MBTD1: variants seen among roughly 807,000 people sequenced by gnomAD.
The protein encoded by MBTD1 is mbt domain containing 1.
In MBTD1, 24 loss-of-function variants were observed where a neutral mutation model predicts 87.8. The observed-to-expected ratio is 0.27, with a 90% CI of 0.20 to 0.38. The LOEUF (loss-of-function observed/expected upper bound fraction) is 0.38, where lower values mean the gene tolerates loss of function less well. Among genes scored for constraint, MBTD1 ranks in the 10% least tolerant of loss-of-function variants. The probability of loss-of-function intolerance (pLI) is 1.00; values close to 1 mark genes in which losing one functional copy is unlikely to be tolerated. For missense variants in MBTD1, 436 were observed against 760.2 expected (o/e 0.57, Z 5.02); for synonymous variants, 237 against 248.6 (o/e 0.95, Z 0.44).
In MBTD1 at chr17:51,179,489, T is replaced by C. The variant is rs1265470448; in HGVS notation, c.*1087A>G. 15 of 18,986 alleles carry C rather than the reference T, an allele frequency of 7.9e-4. 1 individual carries two copies. The highest frequency in any genetic ancestry group is 2.2e-3 in the African/African-American group (13 of 5,808). The allele number at this position is 18,986 out of a possible 1,614,324, so 1.2% of individuals were successfully genotyped here. On this transcript the variant is annotated 3_prime_UTR_variant, in exon 17 of 17. Coordinates refer to ENST00000586178, the MANE Select transcript of MBTD1 (RefSeq NM_017643.3). The stretch of plus-strand genomic sequence containing the variant: ...GAATACAATTAAAGACAATTTTATA[T>C]ATATATATATATATATATATATATA...
upstream of MBTD1, chr17:51,260,739 C>A: frequency 6.3e-7 from 1 of 1,587,948 alleles, no homozygotes; most frequent in South Asian, 1.1e-5. Context: ...AAACCGCCGG[C>A]CCGGCCGAGC....
At chr17:51,196,722 C>G (rs1044799425) in intron 12 of MBTD1, among the ~76,000 whole-genome samples, 1 of 151,558 alleles carries the variant, frequency 6.6e-6, no homozygotes, top group African/African-American at 2.4e-5. Flanking sequence ...GAAACCCAGT[C>G]TCTACTAAAA....
chr17:51,214,749 G>A lies in MBTD1; in HGVS notation c.486+2585C>T, dbSNP rs560169847. ...GCTCCCGACTTGTACTCAAGTAGAA[G>A]AGAAGGCAGGTGTAGAGTCTGGAAC... On this transcript the variant is annotated intron_variant, in intron 6 of 16. Coordinates refer to ENST00000586178, the MANE Select transcript of MBTD1 (RefSeq NM_017643.3). 2.0e-5 allele frequency among the ~76,000 whole-genome samples: 3 copies of A among 152,236 alleles called. No homozygotes were observed. In the East Asian group the frequency reaches 5.8e-4, roughly 29 times the overall value.
In MBTD1 at chr17:51,179,691, G is replaced by A. The variant is rs901510826; in HGVS notation, c.*885C>T. The A allele has an allele frequency of 6.6e-6, 1 of 151,222 alleles. No homozygotes were observed. The highest frequency in any genetic ancestry group is 1.9e-4 in the East Asian group (1 of 5,158). 9.4% of individuals were successfully genotyped at this position (151,222 alleles called of 1,614,324 possible). A position where few individuals can be genotyped will look rare whatever the true frequency, so the allele number is the denominator to read the frequency against. ...TCCTAATACAGAACATCTGTTTTTG[G>A]TTGTGGTTATACGAAGCTGTTATTT... On this transcript the variant is annotated 3_prime_UTR_variant, in exon 17 of 17. Transcript: ENST00000586178.
intron 2 of MBTD1, among the ~76,000 whole-genome samples, chr17:51,229,245 C>G (rs529121898): frequency 2.6e-5 from 4 of 152,088 alleles, no homozygotes; most frequent in South Asian, 2.1e-4. Context: ...ACTATCAACT[C>G]AAGAATCTTT....
At chr17:51,217,563 C>G in intron 5 of MBTD1, 147 bp from the exon 6 acceptor site, 1 of 521,442 alleles carries the variant, frequency 1.9e-6, no homozygotes, top group Non-Finnish European at 3.3e-6. Flanking sequence ...AATAACTTCT[C>G]TAAATAGCAT....
intron 2 of MBTD1, among the ~76,000 whole-genome samples, chr17:51,249,300 T>C (rs1338698540): frequency 1.3e-5 from 2 of 152,148 alleles, no homozygotes; most frequent in African/African-American, 2.4e-5. Flanking sequence ...ACTTGAAGAT[T>C]CACATTATAT....
intron 2 of MBTD1, among the ~76,000 whole-genome samples, chr17:51,244,239 T>C (rs2054306845): frequency 6.6e-6 from 1 of 152,232 alleles, no homozygotes; most frequent in South Asian, 2.1e-4. Flanking sequence ...CACTTTTTTA[T>C]CAGTCAGCAA....
At chr17:51,213,934 A>G (rs1011032888) in intron 6 of MBTD1, among the ~76,000 whole-genome samples, 5 of 152,052 alleles carry the variant, frequency 3.3e-5, no homozygotes, top group Admixed American at 6.6e-5. Flanking sequence ...AAAAAAAAAA[A>G]GGGCAATTAT....
chr17:51,257,803 G>A (rs1027261703), intron 2 of MBTD1, among the ~76,000 whole-genome samples: 1 of 152,104 alleles, frequency 6.6e-6, no homozygotes, highest in African/African-American at 2.4e-5. Flanking sequence ...ATTCTAATGA[G>A]TAGATTTAGA....
chr17:51,241,002 G>C (rs79836130), intron 2 of MBTD1, among the ~76,000 whole-genome samples: 1 of 151,840 alleles, frequency 6.6e-6, no homozygotes, highest in East Asian at 1.9e-4. Context: ...CTTTGAGACA[G>C]GGTCTCCCAG....
At chr17:51,234,591 A>G (rs1235700774) in intron 2 of MBTD1, among the ~76,000 whole-genome samples, 1 of 152,216 alleles carries the variant, frequency 6.6e-6, no homozygotes, top group African/African-American at 2.4e-5. Flanking sequence ...GTATCTACTG[A>G]AAAAACTAAA....
intron 2 of MBTD1, among the ~76,000 whole-genome samples, chr17:51,253,577 G>C (rs1310267046): frequency 1.3e-5 from 2 of 152,136 alleles, no homozygotes; most frequent in Admixed American, 6.5e-5. Context: ...ATGTATGTTT[G>C]TTTTTATGTG....
intron 2 of MBTD1, among the ~76,000 whole-genome samples, chr17:51,235,138 A>T (rs1598402504): frequency 1.3e-5 from 2 of 150,844 alleles, no homozygotes; most frequent in South Asian, 2.1e-4. Flanking sequence ...ATAGGATGCA[A>T]TTTTTTTTTT....
rs1555673774 is a variant in MBTD1 at position 51,179,506 on chromosome 17, A to ATATTTATATATATATT, written c.*1069_*1070insAATATATATATAAATA. 1 of 82,334 alleles carries ATATTTATATATATATT rather than the reference A, an allele frequency of 1.2e-5. No homozygotes were observed. The highest frequency in any genetic ancestry group is 2.5e-5 in the Non-Finnish European group (1 of 39,382). 5.1% of individuals were successfully genotyped at this position (82,334 alleles called of 1,614,324 possible). A position where few individuals can be genotyped will look rare whatever the true frequency, so the allele number is the denominator to read the frequency against. ...ATTTTATATATATATATATATATAT[A>ATATTTATATATATATT]TATATATATATATATATATATATAT... is the stretch of plus-strand genomic sequence containing the variant. On this transcript the variant is annotated 3_prime_UTR_variant, in exon 17 of 17. Coordinates refer to ENST00000586178, the MANE Select transcript of MBTD1 (RefSeq NM_017643.3).
chr17:51,181,722 A>G (rs1409049915), intron 16 of MBTD1, among the ~76,000 whole-genome samples: 1 of 152,234 alleles, frequency 6.6e-6, no homozygotes, highest in East Asian at 1.9e-4. Flanking sequence ...TAATGCTTAC[A>G]GTCCCAGCTA....
chr17:51,239,930 C>T (rs911383735), intron 2 of MBTD1, among the ~76,000 whole-genome samples: 12 of 152,200 alleles, frequency 7.9e-5, no homozygotes, highest in African/African-American at 2.9e-4. Flanking sequence ...CCTCCAGTTT[C>T]GTCAACTGAC....
At chr17:51,248,843 CG>C (rs1363015605) in intron 2 of MBTD1, among the ~76,000 whole-genome samples, 1 of 152,168 alleles carries the variant, frequency 6.6e-6, no homozygotes, top group Non-Finnish European at 1.5e-5. Flanking sequence ...AACTTCAAGA[CG>C]GAAGTGCAAT....
Position 51,259,972 on chromosome 17 carries a change from GC to G in MBTD1, c.-251del. 2 of 933,058 alleles carry G rather than the reference GC, an allele frequency of 2.1e-6. No homozygotes were observed. The highest frequency in any genetic ancestry group is 2.8e-6 in the Non-Finnish European group (2 of 715,132). The allele number at this position is 933,058 out of a possible 1,614,324, so 57.8% of individuals were successfully genotyped here. A position where few individuals can be genotyped will look rare whatever the true frequency, so the allele number is the denominator to read the frequency against. ...GCGACTACAGGGGGCCCCCGGCTGG[GC>G]CCAGACCGGTGGCGGGTGCAGCAGC... On this transcript the variant is annotated 5_prime_UTR_variant, in exon 1 of 17. Transcript: ENST00000586178.
Sources: gnomAD v4.1 joint callset for allele counts (sites outside exome capture counted in the v4.1 genomes callset) on GRCh38, gnomAD v4.1.1 for gene constraint, MANE v1.5 for transcripts, NCBI Gene and HGNC (gene_info 2026-07-23, HGNC 2026-07-21) for gene names.